Variants in CAGE1 observed in about 807,000 individuals in gnomAD.
The protein encoded by CAGE1 is cancer-associated gene 1 protein.
A neutral mutation model predicts 94.9 loss-of-function variants in CAGE1; 66 were observed. That is an observed-to-expected ratio of 0.70 (90% CI 0.57 to 0.85). The LOEUF is 0.85. Among genes scored for constraint, CAGE1 ranks in the 40% least tolerant of loss-of-function variants. CAGE1 has a pLI of 0.00. For missense variants in CAGE1, 865 were observed against 950.4 expected, an observed-to-expected ratio of 0.91 and a Z score of 1.18; for synonymous variants, 319 against 321.0, an observed-to-expected ratio of 0.99 and a Z score of 0.07.
intron 11 of CAGE1, among the ~76,000 whole-genome samples, chr6:7,348,617 C>T (rs1759652360): frequency 6.6e-6 from 1 of 152,072 alleles, no homozygotes; most frequent in Non-Finnish European, 1.5e-5. Flanking sequence ...TTAAGCTAAT[C>T]AGGGAGGCAC....
At chr6:7,378,289 A>G (rs1760822105) in intron 4 of CAGE1, among the ~76,000 whole-genome samples, 1 of 152,192 alleles carries the variant, frequency 6.6e-6, no homozygotes, top group African/African-American at 2.4e-5. Context: ...CCTGATCCTT[A>G]GAGAAATTAC....
chr6:7,389,579 G>A lies in CAGE1; in HGVS notation c.-401C>T, dbSNP rs977128930. 67 of 334,866 alleles carry A rather than the reference G, an allele frequency of 2.0e-4. No individual in the cohort carries two copies. The highest frequency in any genetic ancestry group is 1.3e-3 in the African/African-American group (62 of 46,850). The allele number at this position is 334,866 out of a possible 1,614,324, so 20.7% of individuals were successfully genotyped here. The stretch of plus-strand genomic sequence containing the variant: ...ACCCCCTAGGCCGAACAGCCTGTGG[G>A]CTAGCTGGCGCCTCCTGCCGCAGTA... On this transcript the variant is annotated 5_prime_UTR_variant, in exon 1 of 14. Coordinates refer to ENST00000502583, the MANE Select transcript of CAGE1 (RefSeq NM_001170692.2).
intron 7 of CAGE1, among the ~76,000 whole-genome samples, chr6:7,366,245 CAAA>C (rs775283906): frequency 2.8e-5 from 2 of 71,136 alleles, no homozygotes; most frequent in Admixed American, 1.6e-4. Flanking sequence ...GACTCTGTCT[CAAA>C]AAAAAAAAAA....
At chr6:7,329,228 C>T (rs1213823144) in intron 13 of CAGE1, 3 of 402,726 alleles carry the variant, frequency 7.4e-6, no homozygotes, top group Non-Finnish European at 1.3e-5. Flanking sequence ...CCACCGCGCC[C>T]AGCCTGTATC....
At chr6:7,345,387 C>T (rs992201204) in intron 11 of CAGE1, among the ~76,000 whole-genome samples, 12 of 152,124 alleles carry the variant, frequency 7.9e-5, no homozygotes, top group South Asian at 2.1e-4. Context: ...GAACAAACGC[C>T]AGATGTGCCA....
At chr6:7,337,939 T>C (rs1759021540) in intron 11 of CAGE1, among the ~76,000 whole-genome samples, 1 of 152,222 alleles carries the variant, frequency 6.6e-6, no homozygotes, top group South Asian at 2.1e-4. Context: ...TTAACAAAAT[T>C]GACCCATGAA....
In CAGE1 at chr6:7,344,877, A is replaced by C. The variant is rs189793528; in HGVS notation, c.2369+10164T>G. Among the ~76,000 whole-genome samples the C allele has an allele frequency of 2.4e-3, 358 of 152,110 alleles. 1 individual carries two copies. The highest frequency in any genetic ancestry group is 0.02 in the Middle Eastern group (6 of 294). Reference sequence around the variant, plus strand: ...GGCCTTGGAGAACCTTTGTGTCGACACTCTGTATCTAGCTAATCTGGTGGG... The same window carrying C: ...GGCCTTGGAGAACCTTTGTGTCGACCCTCTGTATCTAGCTAATCTGGTGGG... On this transcript the variant is annotated intron_variant, in intron 11 of 13. Transcript: ENST00000502583.
intron 11 of CAGE1, among the ~76,000 whole-genome samples, chr6:7,334,319 T>C (rs1163529572): frequency 6.6e-6 from 1 of 152,312 alleles, no homozygotes; most frequent in Admixed American, 6.5e-5. Flanking sequence ...AAGTAGACAG[T>C]AGCAAATATG....
intron 12 of CAGE1, among the ~76,000 whole-genome samples, chr6:7,333,675 CA>C (rs1343779667): frequency 0.027 from 1,110 of 41,694 alleles, 19 homozygotes; most frequent in African/African-American, 0.11. Flanking sequence ...TATATATATA[CA>C]TTTTTTTTTT....
intron 11 of CAGE1, among the ~76,000 whole-genome samples, chr6:7,345,134 GC>G (rs1561851659): frequency 2.1e-4 from 9 of 41,874 alleles, no homozygotes; most frequent in Non-Finnish European, 3.9e-4. Context: ...GATCCATATT[GC>G]TTTTAGGAGC....
intron 11 of CAGE1, among the ~76,000 whole-genome samples, chr6:7,335,823 C>T (rs940341553): frequency 3.9e-5 from 6 of 152,312 alleles, no homozygotes; most frequent in Admixed American, 3.3e-4. Flanking sequence ...GCTATCTTCC[C>T]GCCTCAGCCT....
intron 3 of CAGE1, among the ~76,000 whole-genome samples, chr6:7,382,515 C>T (rs1446578978): frequency 6.6e-6 from 1 of 150,614 alleles, no homozygotes. Flanking sequence ...ATTGGCCAGG[C>T]TGGGTTTGAA....
intron 11 of CAGE1, among the ~76,000 whole-genome samples, chr6:7,345,171 A>G (rs757493152): frequency 8.1e-5 from 12 of 147,514 alleles, no homozygotes; most frequent in Admixed American, 2.1e-4. Flanking sequence ...TTTAGGAGCT[A>G]TGACACTCCT....
chr6:7,342,789 T>G (rs1759234449), intron 11 of CAGE1, among the ~76,000 whole-genome samples: 1 of 152,182 alleles, frequency 6.6e-6, no homozygotes, highest in African/African-American at 2.4e-5. Flanking sequence ...GGTCTTAGAT[T>G]TAAGTCCTTG....
chr6:7,379,507 T>A (rs1319297331), intron 3 of CAGE1, among the ~76,000 whole-genome samples: 1 of 152,218 alleles, frequency 6.6e-6, no homozygotes, highest in African/African-American at 2.4e-5. Flanking sequence ...ACAGAGCTGC[T>A]AAGCAGTGCT....
chr6:7,371,507 G>A (rs1311538561), intron 5 of CAGE1, among the ~76,000 whole-genome samples: 1 of 152,188 alleles, frequency 6.6e-6, no homozygotes, highest in Non-Finnish European at 1.5e-5. Flanking sequence ...ACATAGCCAG[G>A]TGCGGTGGCT....
Position 7,374,174 on chromosome 6 carries a change from G to C in CAGE1, c.688-43C>G, listed in dbSNP as rs189014146. The stretch of plus-strand genomic sequence containing the variant: ...CAAAGTAAGTGTGAACGAGTAGAAA[G>C]ATAATGAGCTTTCAAGTCAAATAGG... On this transcript the variant is annotated intron_variant, in intron 4 of 13. Transcript: ENST00000502583. 2.7e-6 allele frequency: 4 copies of C among 1,506,952 alleles called. No individual in the cohort carries two copies. In the Admixed American group the frequency reaches 7.7e-5, roughly 29 times the overall value. 93.3% of individuals were successfully genotyped at this position (1,506,952 alleles called of 1,614,324 possible).
intron 11 of CAGE1, among the ~76,000 whole-genome samples, chr6:7,345,525 A>G (rs1759451041): frequency 2.0e-5 from 3 of 152,196 alleles, no homozygotes; most frequent in Admixed American, 2.0e-4. Flanking sequence ...CTGGCTGCAT[A>G]TACAGAGTAA....
intron 5 of CAGE1, 25 bp downstream of exon 5, chr6:7,373,048 A>C: frequency 4.6e-4 from 675 of 1,462,104 alleles, no homozygotes; most frequent in Non-Finnish European, 5.8e-4. Flanking sequence ...ATTCCGCATT[A>C]GAGATTTAGA....
Sources: allele counts gnomAD v4.1 joint callset (sites outside exome capture counted in the v4.1 genomes callset), GRCh38; gene constraint gnomAD v4.1.1; transcripts MANE v1.5; gene names NCBI Gene and HGNC (gene_info 2026-07-23, HGNC 2026-07-21).